SRCAP: variants seen among roughly 807,000 people sequenced by gnomAD.
SRCAP encodes Snf2 related CREBBP activator protein.
Under a neutral mutation model 263.1 loss-of-function variants are expected in SRCAP, and 46 were observed. The ratio of observed to expected loss-of-function variants is 0.17; its 90% CI spans 0.14 to 0.22. The LOEUF is 0.22. Ranked by LOEUF, SRCAP falls within the 10% of genes least tolerant of loss-of-function variation. The probability of loss-of-function intolerance (pLI) is 1.00; values close to 1 mark genes in which losing one functional copy is unlikely to be tolerated. For synonymous variants in SRCAP, 1,813 were observed against 1,662.1 expected (o/e 1.09, Z -2.21); for missense variants, 3,695 against 4,181.9 (o/e 0.88, Z 3.21).
chr16:30,738,503 C>T lies in SRCAP; in HGVS notation c.8463C>T (p.Pro2821=), dbSNP rs377100819. The change falls in exon 34 of 34, where the codon CCC becomes CCT. Residue 2821 remains proline, a synonymous_variant. Coordinates refer to ENST00000262518, the MANE Select transcript of SRCAP (RefSeq NM_006662.3). Reference sequence around the variant, plus strand: ...CTTCATCCTCACTGCCCACTCCACCCCAGCAGCCCTTCATTGCTCGCCGTC... The same window carrying T: ...CTTCATCCTCACTGCCCACTCCACCTCAGCAGCCCTTCATTGCTCGCCGTC... ...AAPSSSLPTP[P]QQPFIARRHI... 1.5e-4 allele frequency: 239 copies of T among 1,609,450 alleles called. 4 individuals carry two copies. In the South Asian group the frequency reaches 2.2e-3, roughly 15 times the overall value.
Position 30,737,732 on chromosome 16 carries a change from G to A in SRCAP, c.7692G>A (p.Leu2564=), listed in dbSNP as rs1407356785. The A allele has an allele frequency of 1.9e-6, 3 of 1,614,218 alleles. No individual in the cohort carries two copies. Among genetic ancestry groups the A allele is most frequent in the Non-Finnish European group, 2.5e-6 (3 of 1,180,044 alleles). ...CAQALASPES[L]ELASVASSET... ...AGGCATTGGCATCTCCAGAGTCCCTGGAGCTGGCTTCTGTGGCCAGTTCAG... is the reference window on the plus strand; with the variant it reads ...AGGCATTGGCATCTCCAGAGTCCCTAGAGCTGGCTTCTGTGGCCAGTTCAG... The change falls in exon 34 of 34, where the codon CTG becomes CTA. Residue 2564 remains leucine, a synonymous_variant. Coordinates refer to ENST00000262518, the MANE Select transcript of SRCAP (RefSeq NM_006662.3).
In SRCAP at chr16:30,739,040, G is replaced by A. The variant is rs762510712; in HGVS notation, c.9000G>A (p.Thr3000=). 22 of 1,613,986 alleles carry A rather than the reference G, an allele frequency of 1.4e-5. No homozygotes were observed. In the African/African-American group the frequency reaches 1.6e-4, roughly 12 times the overall value. The change falls in exon 34 of 34, where the codon ACG becomes ACA. Residue 3000 remains threonine, a synonymous_variant. Coordinates refer to ENST00000262518, the MANE Select transcript of SRCAP (RefSeq NM_006662.3). The stretch of plus-strand genomic sequence containing the variant: ...CTGTCACCACTGTCACCATTTCAAC[G>A]TCCCCACCCAAACGGAAGAGGGGCC... ...ANTVTTVTIS[T]SPPKRKRGRP...
In SRCAP at chr16:30,721,085, C is replaced by T. The variant is rs1470129; in HGVS notation, c.3254-104C>T. On this transcript the variant is annotated intron_variant, in intron 20 of 33. Transcript: ENST00000262518. ...GGTTTGAGGAGCTGGGCTGGGGACA[C>T]GGGTCTAGTATTTGATGGGTTGGAA... The T allele has an allele frequency of 2.6e-6, 4 of 1,534,964 alleles. No individual in the cohort carries two copies. The African/African-American group carries it at 4.1e-5, about 16-fold the overall frequency.
In SRCAP at chr16:30,700,678, G is replaced by A; in HGVS notation, c.-147G>A. On this transcript the variant is annotated 5_prime_UTR_variant, in exon 3 of 34. Transcript: ENST00000262518. ...ACGCCCTGGTGGGCCCCGGGCCCTGGAAGGCGGGTCCCGGTGGCCGGTGGC... is the reference window on the plus strand; with the variant it reads ...ACGCCCTGGTGGGCCCCGGGCCCTGAAAGGCGGGTCCCGGTGGCCGGTGGC... The A allele has an allele frequency of 1.5e-6, 1 of 688,330 alleles. No individual in the cohort carries two copies. Among genetic ancestry groups the A allele is most frequent in the South Asian group, 2.1e-5 (1 of 47,466 alleles). 42.6% of individuals were successfully genotyped at this position (688,330 alleles called of 1,614,324 possible).
In SRCAP at chr16:30,704,211, A is replaced by C. The variant is rs771901170; in HGVS notation, c.202A>C (p.Thr68Pro). The C allele has an allele frequency of 1.2e-6, 2 of 1,614,182 alleles. No homozygotes were observed. The highest frequency in any genetic ancestry group is 2.2e-5 in the South Asian group (2 of 91,088). The change falls in exon 4 of 34, where the codon ACA (threonine) becomes CCA (proline). Residue 68 changes from threonine (T) to proline (P), a missense_variant. Physicochemically the swap from Thr to Pro is conservative, Grantham distance 38 (BLOSUM62 -1). Around this residue, in one of 12 missense-constraint regions of SRCAP, gnomAD observed 122 missense variants for 116.9 expected, o/e 1.04. Transcript: ENST00000262518. ...ACCTCCAGGCCCCCCAGATGGTGCCACAGTGCCCCTGGAGGGGTTCAGCTT... is the reference window on the plus strand; with the variant it reads ...ACCTCCAGGCCCCCCAGATGGTGCCCCAGTGCCCCTGGAGGGGTTCAGCTT... ...DGPPGPPDGA[T>P]VPLEGFSLSQ...
In SRCAP at chr16:30,733,972, T is replaced by C; in HGVS notation, c.6573T>C (p.Ile2191=). 1 of 1,612,768 alleles carries C rather than the reference T, an allele frequency of 6.2e-7. No individual in the cohort carries two copies. Among genetic ancestry groups the C allele is most frequent in the Non-Finnish European group, 8.5e-7 (1 of 1,179,358 alleles). The change falls in exon 30 of 34, where the codon ATT becomes ATC. Residue 2191 remains isoleucine (I), a synonymous_variant. Transcript: ENST00000262518. The surrounding 1 kb of genome is among the most constrained non-coding windows in gnomAD (Gnocchi z 5.3). Reference sequence around the variant, plus strand: ...AGAGAATGTTGGGGGACATGGCCATTGAGGGAGGCAACTTCACCACAGCCT... The same window carrying C: ...AGAGAATGTTGGGGGACATGGCCATCGAGGGAGGCAACTTCACCACAGCCT... The part of the protein sequence containing the change: ...NQKRMLGDMA[I]EGGNFTTAYF...
At chr16:30,704,013 C>T (rs1186667263) in intron 3 of SRCAP, 51 bp from the exon 4 acceptor site, 5 of 1,566,732 alleles carry the variant, frequency 3.2e-6, no homozygotes, top group Non-Finnish European at 3.5e-6. Flanking sequence ...ATCTAAAACA[C>T]TCAGCACAGT....
Position 30,729,399 on chromosome 16 carries a change from C to T in SRCAP, c.5954C>T (p.Ala1985Val). The T allele has an allele frequency of 1.2e-6, 2 of 1,614,162 alleles. No homozygotes were observed. Among genetic ancestry groups the T allele is most frequent in the East Asian group, 2.2e-5 (1 of 44,882 alleles). The change falls in exon 27 of 34, where the codon GCA (alanine) becomes GTA (valine). Residue 1985 changes from alanine (A) to valine (V), a missense_variant. This residue lies in a region of SRCAP where 1,347 missense variants were observed against 1,304.4 expected (regional missense o/e 1.03). Coordinates refer to ENST00000262518, the MANE Select transcript of SRCAP (RefSeq NM_006662.3). ...ATCTTTGTCATGCCTCCTGTGGAGG[C>T]ACCTCCCCCTTCCCTGCATGCCTGC... ...RFIFVMPPVE[A>V]PPPSLHACHP...
chr16:30,720,030 G>T (rs2052994609), intron 18 of SRCAP, 132 bp from the exon 19 acceptor site: 1 of 939,278 alleles, frequency 1.1e-6, no homozygotes, highest in East Asian at 2.5e-5. Context: ...CCACTTGTGA[G>T]TGAGTACATG....
rs147477244 is a variant in SRCAP, at chr16:30,725,055, C to T, written c.5631C>T (p.Pro1877=). 4 of 1,612,522 alleles carry T rather than the reference C, an allele frequency of 2.5e-6. No individual in the cohort carries two copies. The Admixed American group carries it at 5.0e-5, about 20-fold the overall frequency. The part of the protein sequence containing the change: ...FGGPRPRRQP[P]PPPRSPFYLD... ...GCCCCCGGCCTCGACGCCAGCCCCC[C>T]CCACCACCTCGTTCCCCTTTTTATC... Residue 1877 remains proline, a synonymous_variant, in exon 25 of 34, where the codon CCC becomes CCT. Transcript: ENST00000262518.
In SRCAP at chr16:30,733,300, G is replaced by A; in HGVS notation, c.6148G>A (p.Val2050Met). 6.2e-7 allele frequency: 1 copy of A among 1,614,018 alleles called. No homozygotes were observed. Among genetic ancestry groups the A allele is most frequent in the Non-Finnish European group, 8.5e-7 (1 of 1,180,026 alleles). ...TTTAGGAAAGTTGCAGACGTTGGCA[G>A]TGCTGTTGCGGCAGCTCAAGGCAGA... The part of the protein sequence containing the change: ...YDCGKLQTLA[V>M]LLRQLKAEGH... The change falls in exon 28 of 34, where the codon GTG (valine) becomes ATG (methionine). Residue 2050 changes from valine to methionine, a missense_variant. Val to Met is a conservative substitution (Grantham distance 21, BLOSUM62 1). This residue lies in a region of SRCAP where 138 missense variants were observed against 254.9 expected (regional missense o/e 0.54). Coordinates refer to ENST00000262518, the MANE Select transcript of SRCAP (RefSeq NM_006662.3). This position sits in a 1 kb window ranked among gnomAD's most constrained non-coding sequence, Gnocchi z 5.3.
At chr16:30,710,524 C>G in intron 8 of SRCAP, 1 of 755,672 alleles carries the variant, frequency 1.3e-6, no homozygotes. Context: ...TGTTGGGTGC[C>G]TTTATTTGTT....
chr16:30,708,050 C>G (rs771231912), intron 6 of SRCAP, among the ~76,000 whole-genome samples: 2 of 152,186 alleles, frequency 1.3e-5, no homozygotes, highest in African/African-American at 2.4e-5. Context: ...AAGTACTACC[C>G]AGTTTCCGTC....
intron 4 of SRCAP, 133 bp downstream of exon 4, chr16:30,704,448 A>G: frequency 8.2e-6 from 9 of 1,095,232 alleles, no homozygotes; most frequent in Non-Finnish European, 1.0e-5. Context: ...AATGTATATG[A>G]TCGTGAGCAA....
intron 25 of SRCAP, among the ~76,000 whole-genome samples, chr16:30,727,607 C>T (rs1447854210): frequency 6.6e-6 from 1 of 152,174 alleles, no homozygotes; most frequent in Non-Finnish European, 1.5e-5. Flanking sequence ...GGCTGCAGTG[C>T]AGTGGTGCGA....
At position 30,720,937 on chromosome 16, in the gene SRCAP, T is replaced by C. The variant is rs150167272; in HGVS notation, c.3212T>C (p.Leu1071Pro). 6.2e-6 allele frequency: 10 copies of C among 1,613,300 alleles called. No homozygotes were observed. Among genetic ancestry groups the C allele is most frequent in the Non-Finnish European group, 5.9e-6 (7 of 1,179,560 alleles). The change falls in exon 20 of 34, where the codon CTC becomes CCC. Residue 1071 changes from leucine to proline, a missense_variant. Leu to Pro is a moderately conservative substitution (Grantham distance 98). Transcript: ENST00000262518. The stretch of plus-strand genomic sequence containing the variant: ...GCATCTCGGCCTCCTGGCCCTGTCC[T>C]CTTGCCTCCACTGCAGCCCAACAGT... ...IPASRPPGPV[L>P]LPPLQPNSGS...
chr16:30,722,542 T>C (rs201468471), intron 22 of SRCAP, 21 bp from the exon 23 acceptor site: 1 of 1,606,798 alleles, frequency 6.2e-7, no homozygotes, highest in East Asian at 2.2e-5. Context: ...CTCTCTCTCT[T>C]TCTCTCTTCC....
chr16:30,706,310 T>G (rs1227134554), intron 4 of SRCAP, among the ~76,000 whole-genome samples: 1 of 151,998 alleles, frequency 6.6e-6, no homozygotes, highest in Non-Finnish European at 1.5e-5. Flanking sequence ...ACAAAAAAAT[T>G]AGCTGGGCAT....
At chr16:30,708,011 G>A (rs949503780) in intron 6 of SRCAP, among the ~76,000 whole-genome samples, 1 of 152,174 alleles carries the variant, frequency 6.6e-6, no homozygotes, top group Non-Finnish European at 1.5e-5. Context: ...AGTTCCCACT[G>A]CCTGTATAGT....
Sources: gnomAD v4.1 joint callset for allele counts (sites outside exome capture counted in the v4.1 genomes callset) on GRCh38, gnomAD v4.1.1 for gene constraint, gnomAD v4.1.1 regional missense constraint, Gnocchi (gnomAD v3.1) non-coding constraint, MANE v1.5 for transcripts, NCBI Gene and HGNC (gene_info 2026-07-23, HGNC 2026-07-21) for gene names.